The following LRRC1 variants were observed in gnomAD, a reference collection of about 807,000 sequenced individuals.
LRRC1 encodes leucine rich repeat containing 1.
Under a neutral mutation model 69.9 loss-of-function variants are expected in LRRC1, and 28 were observed. The observed-to-expected ratio is 0.40, with a 90% confidence interval of 0.30 to 0.55. The LOEUF (loss-of-function observed/expected upper bound fraction) is 0.55, where lower values mean the gene tolerates loss of function less well. Among genes scored for constraint, LRRC1 ranks in the 20% least tolerant of loss-of-function variants. The pLI, the probability that LRRC1 is intolerant of heterozygous loss-of-function variation, is 0.47. For synonymous variants in LRRC1, 236 were observed against 240.2 expected, an observed-to-expected ratio of 0.98 and a Z score of 0.16; for missense variants, 498 against 609.0, an observed-to-expected ratio of 0.82 and a Z score of 1.92.
At chr6:53,796,788 C>T (rs1349691814) in intron 1 of LRRC1, among the ~76,000 whole-genome samples, 6 of 152,152 alleles carry the variant, frequency 3.9e-5, no homozygotes, top group Non-Finnish European at 5.9e-5. Context: ...ATCAAGTTCC[C>T]TCAGGCGTTT....
At chr6:53,920,451 A>T in intron 12 of LRRC1, 174 bp from the exon 13 acceptor site, 2 of 558,766 alleles carry the variant, frequency 3.6e-6, no homozygotes, top group Non-Finnish European at 3.1e-6. Context: ...TTTGTTTTTG[A>T]ATTTTGTGTG....
At chr6:53,853,922 G>A (rs1226717722) in intron 2 of LRRC1, among the ~76,000 whole-genome samples, 2 of 152,186 alleles carry the variant, frequency 1.3e-5, no homozygotes, top group African/African-American at 2.4e-5. Flanking sequence ...TATTCACTAA[G>A]CACTGTGATG....
intron 4 of LRRC1, among the ~76,000 whole-genome samples, chr6:53,893,840 ATAT>A (rs1161802533): frequency 6.6e-6 from 1 of 152,144 alleles, no homozygotes; most frequent in Admixed American, 6.5e-5. Context: ...ACTTAGCAGG[ATAT>A]TATATCTGGG....
chr6:53,875,408 C>G (rs1460842372), intron 2 of LRRC1, among the ~76,000 whole-genome samples: 1 of 151,784 alleles, frequency 6.6e-6, no homozygotes, highest in Non-Finnish European at 1.5e-5. Context: ...TTATCATGAA[C>G]TTAGTATTGT....
Position 53,916,506 on chromosome 6 carries a change from G to A in LRRC1, c.1106+2537G>A, listed in dbSNP as rs563732094. Among the ~76,000 whole-genome samples the A allele has an allele frequency of 8.4e-4, 127 of 151,956 alleles. 1 individual carries two copies. Among genetic ancestry groups the A allele is most frequent in the African/African-American group, 2.9e-3 (120 of 41,472 alleles). Reference sequence around the variant, plus strand: ...AACAGTATATAGAGCTCTCATTTTGGTGGGGTTTTTTTCCTTAAAAAAGAA... The same window carrying A: ...AACAGTATATAGAGCTCTCATTTTGATGGGGTTTTTTTCCTTAAAAAAGAA... On this transcript the variant is annotated intron_variant, in intron 11 of 13. Transcript: ENST00000370888.
At chr6:53,819,917 T>C (rs370148371) in intron 1 of LRRC1, among the ~76,000 whole-genome samples, 3 of 152,218 alleles carry the variant, frequency 2.0e-5, no homozygotes, top group Admixed American at 6.5e-5. Context: ...TGGATTCATA[T>C]TGAGTTTATA....
At chr6:53,836,556 A>C (rs914284680) in intron 1 of LRRC1, among the ~76,000 whole-genome samples, 6 of 152,098 alleles carry the variant, frequency 3.9e-5, no homozygotes, top group Non-Finnish European at 7.4e-5. Context: ...AATATTATTA[A>C]CTTTGATGAA....
chr6:53,849,893 T>C (rs983238167), intron 2 of LRRC1, among the ~76,000 whole-genome samples: 12 of 152,056 alleles, frequency 7.9e-5, no homozygotes, highest in African/African-American at 2.9e-4. Flanking sequence ...GGAACTTGAG[T>C]TTACAATGAG....
chr6:53,824,336 GTT>G (rs559656726), intron 1 of LRRC1, among the ~76,000 whole-genome samples: 2 of 150,170 alleles, frequency 1.3e-5, no homozygotes, highest in Admixed American at 1.3e-4. Context: ...TTTTAATGGT[GTT>G]TTTTTTTGTT....
chr6:53,873,232 T>C (rs777001424), intron 2 of LRRC1, among the ~76,000 whole-genome samples: 1 of 152,056 alleles, frequency 6.6e-6, no homozygotes, highest in Non-Finnish European at 1.5e-5. Context: ...GATTGATTTT[T>C]AAAAATTTCT....
intron 2 of LRRC1, among the ~76,000 whole-genome samples, chr6:53,843,930 C>G (rs1423465205): frequency 6.6e-6 from 1 of 152,062 alleles, no homozygotes; most frequent in Non-Finnish European, 1.5e-5. Flanking sequence ...GTGGTTGACC[C>G]AACTTATCTT....
intron 1 of LRRC1, among the ~76,000 whole-genome samples, chr6:53,795,789 TC>T (rs548263841): frequency 3.3e-5 from 5 of 151,734 alleles, no homozygotes; most frequent in Non-Finnish European, 5.9e-5. Flanking sequence ...CACTGCATCC[TC>T]CCCCCCTCCA....
chr6:53,910,032 T>A (rs1165765270), intron 10 of LRRC1, among the ~76,000 whole-genome samples: 1 of 152,176 alleles, frequency 6.6e-6, no homozygotes, highest in Non-Finnish European at 1.5e-5. Context: ...AGGCAATTAA[T>A]ACCTAGTGAA....
intron 13 of LRRC1, among the ~76,000 whole-genome samples, chr6:53,921,358 G>A (rs563167206): frequency 1.2e-4 from 19 of 152,186 alleles, no homozygotes; most frequent in Admixed American, 8.5e-4. Flanking sequence ...TCTTAACATG[G>A]AGAAACTTTT....
chr6:53,874,549 T>G (rs1767004395), intron 2 of LRRC1, among the ~76,000 whole-genome samples: 1 of 152,164 alleles, frequency 6.6e-6, no homozygotes, highest in Non-Finnish European at 1.5e-5. Flanking sequence ...TTAGCATAGA[T>G]CCAAATGTTT....
chr6:53,875,076 G>C (rs939626619), intron 2 of LRRC1, among the ~76,000 whole-genome samples: 1 of 152,190 alleles, frequency 6.6e-6, no homozygotes, highest in East Asian at 1.9e-4. Context: ...ATCTTGTACA[G>C]GCTGATGAAA....
At chr6:53,808,660 T>C (rs972287464) in intron 1 of LRRC1, among the ~76,000 whole-genome samples, 3 of 148,258 alleles carry the variant, frequency 2.0e-5, no homozygotes, top group African/African-American at 7.5e-5. Flanking sequence ...TTTGAAGTGA[T>C]GCAGTCTAGC....
At chr6:53,853,056 G>A (rs930922155) in intron 2 of LRRC1, among the ~76,000 whole-genome samples, 4 of 152,116 alleles carry the variant, frequency 2.6e-5, no homozygotes, top group African/African-American at 7.2e-5. Flanking sequence ...TGGAAGGGCA[G>A]GGGAGCTCGT....
intron 4 of LRRC1, among the ~76,000 whole-genome samples, chr6:53,890,030 C>A (rs1767624622): frequency 6.6e-6 from 1 of 152,214 alleles, no homozygotes; most frequent in Non-Finnish European, 1.5e-5. Context: ...GAGTGGAGGT[C>A]AAGAGCACAC....
Sources: allele counts gnomAD v4.1 joint callset (sites outside exome capture counted in the v4.1 genomes callset), GRCh38; gene constraint gnomAD v4.1.1; transcripts MANE v1.5; gene names NCBI Gene and HGNC (gene_info 2026-07-23, HGNC 2026-07-21).